Variants in TSPAN2 observed in about 807,000 individuals in gnomAD.
The protein encoded by TSPAN2 is tetraspanin 2.
TSPAN2 carries 24 observed loss-of-function variants against 33.3 expected under a neutral mutation model. The ratio of observed to expected loss-of-function variants is 0.72; its 90% confidence interval spans 0.52 to 1.01. The LOEUF is 1.01. TSPAN2 is among the 50% of genes least tolerant of loss of function. The pLI is 0.00. For synonymous variants in TSPAN2, 114 were observed against 104.5 expected (o/e 1.09, Z -0.56); for missense variants, 278 against 281.3 (o/e 0.99, Z 0.08).
chr1:115,075,612 A>G, intron 1 of TSPAN2, among the ~76,000 whole-genome samples: 1 of 152,198 alleles, frequency 6.6e-6, no homozygotes, highest in East Asian at 1.9e-4. Flanking sequence ...AGTCAGGAAC[A>G]AAGTGAGCAT....
chr1:115,074,462 A>G (rs889573421), intron 1 of TSPAN2, among the ~76,000 whole-genome samples: 17 of 152,172 alleles, frequency 1.1e-4, no homozygotes, highest in African/African-American at 4.1e-4. Flanking sequence ...TTGTGGAGTA[A>G]CTAAAAGTTT....
chr1:115,064,343 T>G lies in TSPAN2; in HGVS notation c.173-2111A>C, dbSNP rs144489223. Among the ~76,000 whole-genome samples, 660 of 152,306 alleles carry G rather than the reference T, an allele frequency of 4.3e-3. 7 individuals carry two copies. Among genetic ancestry groups the G allele is most frequent in the African/African-American group, 0.015 (614 of 41,576 alleles). On this transcript the variant is annotated intron_variant, in intron 2 of 7. Transcript: ENST00000369516. ...ATGGAATGTCTCCTGGTGGACCCCC[T>G]TGCTGCAGAACATGCCCATTGCCTC...
intron 2 of TSPAN2, among the ~76,000 whole-genome samples, chr1:115,067,241 G>C (rs541756215): frequency 2.6e-5 from 4 of 152,162 alleles, no homozygotes; most frequent in Non-Finnish European, 4.4e-5. Flanking sequence ...GCTAGAAATT[G>C]GTTCATTTTG....
In TSPAN2 at chr1:115,058,994, A is replaced by G. The variant is rs7523818; in HGVS notation, c.346-13T>C. The stretch of plus-strand genomic sequence containing the variant: ...CATGTCGGATAGCCTGAAGAAATAC[A>G]AGGAAAAATGAAGGACTTCTGGGTG... On this transcript the variant is annotated splice_polypyrimidine_tract_variant and intron_variant, in intron 4 of 7. Coordinates refer to ENST00000369516, the MANE Select transcript of TSPAN2 (RefSeq NM_005725.6). The G allele has an allele frequency of 0.92, 1,478,304 of 1,604,372 alleles. 681,660 individuals are homozygous for G. Among genetic ancestry groups the G allele is most frequent in the East Asian group, 1 (44,784 of 44,790 alleles).
Position 115,072,919 on chromosome 1 carries a change from T to C in TSPAN2, c.158A>G (p.Glu53Gly), listed in dbSNP as rs570453338. The change falls in exon 2 of 8, where the codon GAG (glutamate) becomes GGG (glycine). Residue 53 changes from glutamate to glycine, a missense_variant. Glu to Gly is a moderately conservative substitution (Grantham distance 98). Transcript: ENST00000369516. Reference sequence around the variant, plus strand: ...GAGTCACTCACCCACATAGAAATACTCTGGGGACTTGTCCTCTGATGATAA... The same window carrying C: ...GAGTCACTCACCCACATAGAAATACCCTGGGGACTTGTCCTCTGATGATAA... ...KELSSEDKSP[E>G]YFYVGLYVLV... The C allele has an allele frequency of 6.2e-7, 1 of 1,613,836 alleles. No homozygotes were observed. Among genetic ancestry groups the C allele is most frequent in the South Asian group, 1.1e-5 (1 of 91,078 alleles).
chr1:115,065,841 T>C (rs1570973149), intron 2 of TSPAN2, among the ~76,000 whole-genome samples: 1 of 152,118 alleles, frequency 6.6e-6, no homozygotes, highest in Non-Finnish European at 1.5e-5. Context: ...AATACAAGAA[T>C]TTCTTCCTTC....
intron 7 of TSPAN2, among the ~76,000 whole-genome samples, chr1:115,051,928 T>C (rs1675326634): frequency 1.3e-5 from 2 of 152,230 alleles, no homozygotes; most frequent in Admixed American, 1.3e-4. Flanking sequence ...AGGCTCACTA[T>C]GGGCATTTCC....
chr1:115,079,737 G>A (rs1481386817), intron 1 of TSPAN2, among the ~76,000 whole-genome samples: 1 of 152,208 alleles, frequency 6.6e-6, no homozygotes, highest in Non-Finnish European at 1.5e-5. Flanking sequence ...GCGATGAGAA[G>A]GCTGTGTTAG....
chr1:115,085,045 G>A (rs996237263), intron 1 of TSPAN2, among the ~76,000 whole-genome samples: 14 of 152,256 alleles, frequency 9.2e-5, no homozygotes, highest in Admixed American at 2.6e-4. Context: ...AATAAACAGC[G>A]CCCAGGTTTT....
At chr1:115,067,500 A>C (rs1295805053) in intron 2 of TSPAN2, among the ~76,000 whole-genome samples, 1 of 152,244 alleles carries the variant, frequency 6.6e-6, no homozygotes, top group Non-Finnish European at 1.5e-5. Flanking sequence ...AATGTAAGCT[A>C]CAACACCTCT....
intron 1 of TSPAN2, among the ~76,000 whole-genome samples, chr1:115,088,991 G>C (rs1479941533): frequency 7.1e-6 from 1 of 140,606 alleles, no homozygotes; most frequent in African/African-American, 2.7e-5. Context: ...GTGAAAAGGG[G>C]GTGTGTGCAC....
intron 5 of TSPAN2, among the ~76,000 whole-genome samples, chr1:115,057,987 C>T (rs940346828): frequency 2.6e-5 from 4 of 152,120 alleles, no homozygotes; most frequent in Non-Finnish European, 5.9e-5. Context: ...TGCAGAAGGA[C>T]TCATTAGCTG....
Position 115,056,621 on chromosome 1 carries a change from C to T in TSPAN2, c.516+916G>A, listed in dbSNP as rs537698467. Among the ~76,000 whole-genome samples the T allele has an allele frequency of 1.2e-3, 185 of 152,306 alleles. 2 individuals carry two copies. Among genetic ancestry groups the T allele is most frequent in the African/African-American group, 4.3e-3 (177 of 41,570 alleles). On this transcript the variant is annotated intron_variant, in intron 6 of 7. Transcript: ENST00000369516. Reference sequence around the variant, plus strand: ...CTGAGACATCATTACCTCTGTCAGCCTTCCCCATCCCCCAGCCTCTCGCCT... The same window carrying T: ...CTGAGACATCATTACCTCTGTCAGCTTTCCCCATCCCCCAGCCTCTCGCCT...
intron 1 of TSPAN2, among the ~76,000 whole-genome samples, chr1:115,081,016 T>C (rs1443407229): frequency 6.6e-6 from 1 of 152,256 alleles, no homozygotes; most frequent in Non-Finnish European, 1.5e-5. Context: ...TAAATAATGA[T>C]CTTCATCCAG....
intron 1 of TSPAN2, among the ~76,000 whole-genome samples, chr1:115,074,328 T>G (rs1378252968): frequency 6.6e-6 from 1 of 152,196 alleles, no homozygotes; most frequent in Admixed American, 6.5e-5. Flanking sequence ...CTATGAGGAC[T>G]TTATCCCTCT....
chr1:115,054,816 G>A (rs556504906), intron 6 of TSPAN2, among the ~76,000 whole-genome samples: 7 of 152,038 alleles, frequency 4.6e-5, no homozygotes, highest in Admixed American at 2.0e-4. Flanking sequence ...GTGAAACCCC[G>A]TCTCTACTGA....
chr1:115,060,074 G>T (rs781240319), intron 4 of TSPAN2, among the ~76,000 whole-genome samples: 3 of 152,050 alleles, frequency 2.0e-5, no homozygotes, highest in Non-Finnish European at 4.4e-5. Flanking sequence ...AGAATGAAAT[G>T]GACCCATCCA....
chr1:115,074,500 G>T (rs1276204024), intron 1 of TSPAN2, among the ~76,000 whole-genome samples: 3 of 152,058 alleles, frequency 2.0e-5, no homozygotes, highest in African/African-American at 7.2e-5. Flanking sequence ...GCACTAATTG[G>T]ATAATGTGAG....
intron 4 of TSPAN2, 71 bp downstream of exon 4, chr1:115,060,393 C>A: frequency 8.0e-7 from 1 of 1,248,614 alleles, no homozygotes; most frequent in South Asian, 1.3e-5. Context: ...GGTTTCTTAA[C>A]ACTATTGTGG....
Sources: gnomAD v4.1 joint callset for allele counts (sites outside exome capture counted in the v4.1 genomes callset) on GRCh38, gnomAD v4.1.1 for gene constraint, MANE v1.5 for transcripts, NCBI Gene and HGNC (gene_info 2026-07-23, HGNC 2026-07-21) for gene names.